Variants in METTL25 observed in about 807,000 individuals in gnomAD.
The protein encoded by METTL25 is probable methyltransferase-like protein 25.
Under a neutral mutation model 71.6 loss-of-function variants are expected in METTL25, and 64 were observed. The ratio of observed to expected loss-of-function variants is 0.89; its 90% CI spans 0.73 to 1.10. The LOEUF (loss-of-function observed/expected upper bound fraction) is 1.10, where lower values mean the gene tolerates loss of function less well. Ranked by LOEUF, METTL25 falls within the 50% of genes least tolerant of loss-of-function variation. The probability of loss-of-function intolerance (pLI) is 0.00; values close to 1 mark genes in which losing one functional copy is unlikely to be tolerated. For synonymous variants in METTL25, 287 were observed against 250.3 expected (o/e 1.15, Z -1.38); for missense variants, 807 against 707.0 (o/e 1.14, Z -1.60).
rs761295676 is a variant in METTL25, at chr12:82,434,724, G to GGTAA, written c.1404+6_1404+9dup. The GGTAA allele has an allele frequency of 6.2e-7, 1 of 1,608,888 alleles. No individual in the cohort carries two copies. The highest frequency in any genetic ancestry group is 8.5e-7 in the Non-Finnish European group (1 of 1,176,650). ...TGGAGCGGGTTGCAGCTGGCCAAGG[G>GGTAA]GTAAGTAAGAGTGTTAACTGATGAA... is the stretch of plus-strand genomic sequence containing the variant. On this transcript the variant is annotated frameshift_variant and splice_region_variant. Transcript: ENST00000248306. LOFTEE classifies it high-confidence loss of function.
chr12:82,478,592 GA>G (rs1334843451), intron 11 of METTL25, among the ~76,000 whole-genome samples: 1 of 151,568 alleles, frequency 6.6e-6, no homozygotes, highest in Admixed American at 6.6e-5. Flanking sequence ...ATTTTATTCA[GA>G]ATTTCCCACC....
chr12:82,475,028 G>A (rs1318084985), intron 9 of METTL25, among the ~76,000 whole-genome samples: 1 of 152,144 alleles, frequency 6.6e-6, no homozygotes, highest in African/African-American at 2.4e-5. Context: ...ACAGTCTCTA[G>A]TTTGAAACAA....
At chr12:82,376,162 A>G (rs1296891102) in intron 1 of METTL25, among the ~76,000 whole-genome samples, 2 of 152,206 alleles carry the variant, frequency 1.3e-5, no homozygotes, top group African/African-American at 4.8e-5. Flanking sequence ...ATATTTTTTA[A>G]ATTATTGAAT....
At chr12:82,463,800 C>T (rs1237007134) in intron 9 of METTL25, among the ~76,000 whole-genome samples, 2 of 151,942 alleles carry the variant, frequency 1.3e-5, no homozygotes, top group African/African-American at 2.4e-5. Context: ...GATGATACCT[C>T]ATTGTGGTTC....
At chr12:82,459,117 A>G (rs1363221961) in intron 9 of METTL25, among the ~76,000 whole-genome samples, 1 of 152,182 alleles carries the variant, frequency 6.6e-6, no homozygotes, top group African/African-American at 2.4e-5. Context: ...CTAGAAGGCA[A>G]AAAACACAGA....
intron 8 of METTL25, 123 bp downstream of exon 8, chr12:82,438,914 A>G: frequency 1.3e-6 from 1 of 768,888 alleles, no homozygotes; most frequent in Non-Finnish European, 1.8e-6. Context: ...ATTTGAGCAT[A>G]ATGTCAATAA....
At chr12:82,391,724 CTTT>C (rs58065185) in intron 3 of METTL25, among the ~76,000 whole-genome samples, 33 of 125,488 alleles carry the variant, frequency 2.6e-4, no homozygotes, top group Non-Finnish European at 4.5e-4. Flanking sequence ...TACTGATTTC[CTTT>C]TTTTTTTTTT....
At chr12:82,385,742 T>C (rs1884927900) in intron 1 of METTL25, among the ~76,000 whole-genome samples, 1 of 152,176 alleles carries the variant, frequency 6.6e-6, no homozygotes, top group Non-Finnish European at 1.5e-5. Flanking sequence ...CTGAAAGGAA[T>C]GAAATTTAAT....
chr12:82,406,147 C>T (rs999319333), intron 5 of METTL25, among the ~76,000 whole-genome samples: 3 of 152,108 alleles, frequency 2.0e-5, no homozygotes, highest in African/African-American at 7.2e-5. Flanking sequence ...AACTGTGTTC[C>T]ACTCTGTGCT....
In METTL25 at chr12:82,444,343, A is replaced by T. The variant is rs1253928386; in HGVS notation, c.1478+5552A>T. Among the ~76,000 whole-genome samples, 4 of 152,314 alleles carry T rather than the reference A, an allele frequency of 2.6e-5. No individual in the cohort carries two copies. The East Asian group carries it at 5.8e-4, about 22-fold the overall frequency. On this transcript the variant is annotated intron_variant, in intron 8 of 11. Coordinates refer to ENST00000248306, the MANE Select transcript of METTL25 (RefSeq NM_032230.3). ...AATATGAAGGGAGATACTCTCCCAG[A>T]TAAACAGAAGCTGAAGGAATTTATT...
In METTL25 at chr12:82,430,847, A is replaced by G. The variant is rs530802458; in HGVS notation, c.1280-46A>G. On this transcript the variant is annotated intron_variant, in intron 5 of 11. Transcript: ENST00000248306. ...GTAGATTATTTATTTTAACTGAAAA[A>G]GAAAGAATTTTATTTAAATAATCCG... The G allele has an allele frequency of 5.7e-6, 6 of 1,048,660 alleles. No homozygotes were observed. The African/African-American group carries it at 9.7e-5, about 17-fold the overall frequency. The allele number at this position is 1,048,660 out of a possible 1,614,324, so 65.0% of individuals were successfully genotyped here.
intron 8 of METTL25, among the ~76,000 whole-genome samples, chr12:82,445,060 C>T (rs574772007): frequency 6.6e-6 from 1 of 152,070 alleles, no homozygotes; most frequent in African/African-American, 2.4e-5. Context: ...TAGTATACCT[C>T]CAGGAACTAG....
intron 1 of METTL25, among the ~76,000 whole-genome samples, chr12:82,374,473 T>C (rs1883602858): frequency 6.6e-6 from 1 of 152,160 alleles, no homozygotes; most frequent in Admixed American, 6.5e-5. Flanking sequence ...TTTACAGTCC[T>C]GTAGCTAGAC....
chr12:82,456,761 T>G lies in METTL25; in HGVS notation c.1513T>G (p.Ser505Ala), dbSNP rs932580597. The change falls in exon 9 of 12, where the codon TCT (serine) becomes GCT (alanine). Residue 505 changes from serine to alanine, a missense_variant. Physicochemically the swap from Ser to Ala is moderately conservative, Grantham distance 99. Transcript: ENST00000248306. ...RHVGKIYSKC[S>A]SFLDYVRRSL... ...TGTTGGTAAAATTTATTCCAAATGTTCTTCTTTTCTGGATTATGTCAGACG... is the reference window on the plus strand; with the variant it reads ...TGTTGGTAAAATTTATTCCAAATGTGCTTCTTTTCTGGATTATGTCAGACG... 1.2e-6 allele frequency: 2 copies of G among 1,604,624 alleles called. No homozygotes were observed. Among genetic ancestry groups the G allele is most frequent in the Non-Finnish European group, 1.7e-6 (2 of 1,175,050 alleles).
At chr12:82,444,202 T>C (rs187423877) in intron 8 of METTL25, among the ~76,000 whole-genome samples, 1 of 152,102 alleles carries the variant, frequency 6.6e-6, no homozygotes, top group Non-Finnish European at 1.5e-5. Flanking sequence ...CAGCTCTAAT[T>C]CATCTGGCAA....
intron 3 of METTL25, among the ~76,000 whole-genome samples, chr12:82,397,987 C>G (rs962240733): frequency 6.6e-6 from 1 of 151,818 alleles, no homozygotes; most frequent in African/African-American, 2.4e-5. Context: ...ATCATAATAT[C>G]TACTTATCAA....
chr12:82,477,447 A>T, intron 11 of METTL25, 95 bp downstream of exon 11: 1 of 544,264 alleles, frequency 1.8e-6, no homozygotes, highest in Non-Finnish European at 3.1e-6. Flanking sequence ...TTCACATAAA[A>T]CTAGTAAGAA....
chr12:82,399,536 T>C, intron 4 of METTL25, 142 bp downstream of exon 4: 1 of 687,490 alleles, frequency 1.5e-6, no homozygotes, highest in South Asian at 2.1e-5. Context: ...AGGCTTTCAT[T>C]ATTCCCACAC....
At chr12:82,439,296 T>G (rs1030497434) in intron 8 of METTL25, among the ~76,000 whole-genome samples, 2 of 151,740 alleles carry the variant, frequency 1.3e-5, no homozygotes, top group Non-Finnish European at 3.0e-5. Context: ...TGCCCCTAAA[T>G]AATGCACTAT....
Sources: allele counts gnomAD v4.1 joint callset (sites outside exome capture counted in the v4.1 genomes callset), GRCh38; gene constraint gnomAD v4.1.1; transcripts MANE v1.5; gene names NCBI Gene and HGNC (gene_info 2026-07-23, HGNC 2026-07-21).